Variants in PLXDC2 observed in about 807,000 individuals in gnomAD.
PLXDC2 encodes plexin domain containing 2.
A neutral mutation model predicts 68.9 loss-of-function variants in PLXDC2; 40 were observed. The ratio of observed to expected loss-of-function variants is 0.58; its 90% CI spans 0.45 to 0.76. PLXDC2 has a LOEUF of 0.76. Ranked by LOEUF, PLXDC2 falls within the 30% of genes least tolerant of loss-of-function variation. The pLI is 0.00. For missense variants in PLXDC2, 644 were observed against 661.9 expected, an observed-to-expected ratio of 0.97 and a Z score of 0.30; for synonymous variants, 243 against 234.2, an observed-to-expected ratio of 1.04 and a Z score of -0.34.
intron 1 of PLXDC2, among the ~76,000 whole-genome samples, chr10:19,925,345 A>G (rs576976785): frequency 2.1e-4 from 32 of 152,344 alleles, no homozygotes; most frequent in African/African-American, 7.5e-4. Context: ...TGAAAGACAT[A>G]TGACAGACCT....
chr10:19,982,333 C>T (rs1351861731), intron 1 of PLXDC2, among the ~76,000 whole-genome samples: 4 of 152,184 alleles, frequency 2.6e-5, no homozygotes, highest in Non-Finnish European at 2.9e-5. Context: ...ACCATCCCTC[C>T]GTTCTGTGAG....
intron 1 of PLXDC2, among the ~76,000 whole-genome samples, chr10:19,918,689 A>T (rs1318514737): frequency 2.0e-5 from 3 of 152,206 alleles, no homozygotes; most frequent in African/African-American, 7.2e-5. Flanking sequence ...TAAAATATTA[A>T]CACAGGCAGT....
chr10:19,944,683 G>C (rs1188758727), intron 1 of PLXDC2, among the ~76,000 whole-genome samples: 1 of 152,204 alleles, frequency 6.6e-6, no homozygotes, highest in Non-Finnish European at 1.5e-5. Flanking sequence ...GGGTATGGTG[G>C]CTCACGCCTG....
chr10:19,977,022 A>T (rs979677825), intron 1 of PLXDC2, among the ~76,000 whole-genome samples: 1 of 152,082 alleles, frequency 6.6e-6, no homozygotes, highest in Non-Finnish European at 1.5e-5. Flanking sequence ...CTTTCTGAGG[A>T]TATTAATGAT....
At chr10:20,062,678 T>A (rs1489543183) in intron 3 of PLXDC2, among the ~76,000 whole-genome samples, 1 of 152,102 alleles carries the variant, frequency 6.6e-6, no homozygotes, top group Non-Finnish European at 1.5e-5. Flanking sequence ...CAATAATCTA[T>A]TCTAAGCATT....
chr10:19,854,141 G>C (rs1837170779), intron 1 of PLXDC2, among the ~76,000 whole-genome samples: 1 of 152,206 alleles, frequency 6.6e-6, no homozygotes, highest in South Asian at 2.1e-4. Context: ...CTATCAGACT[G>C]GCTGGAATTT....
chr10:19,835,558 T>C (rs1836774225), intron 1 of PLXDC2, among the ~76,000 whole-genome samples: 1 of 152,012 alleles, frequency 6.6e-6, no homozygotes, highest in South Asian at 2.1e-4. Flanking sequence ...GGATGTCAAA[T>C]CATCGAGGTG....
chr10:19,901,411 A>G (rs1227815652), intron 1 of PLXDC2, among the ~76,000 whole-genome samples: 2 of 151,948 alleles, frequency 1.3e-5, no homozygotes, highest in Non-Finnish European at 2.9e-5. Context: ...TTTGATTTGC[A>G]TTTCCCTGAT....
chr10:19,968,302 A>C (rs927056038), intron 1 of PLXDC2, among the ~76,000 whole-genome samples: 1 of 150,636 alleles, frequency 6.6e-6, no homozygotes, highest in African/African-American at 2.4e-5. Context: ...GACCTCACTG[A>C]TCTCCTTCAT....
At chr10:20,080,278 A>G (rs960601716) in intron 4 of PLXDC2, among the ~76,000 whole-genome samples, 1 of 152,180 alleles carries the variant, frequency 6.6e-6, no homozygotes, top group Non-Finnish European at 1.5e-5. Flanking sequence ...GAGGGAAAGA[A>G]CTAATAGGAT....
chr10:20,263,121 C>CAGTG (rs533184053), intron 13 of PLXDC2, among the ~76,000 whole-genome samples: 71 of 152,312 alleles, frequency 4.7e-4, no homozygotes, highest in African/African-American at 1.7e-3. Flanking sequence ...TACAAGGCTA[C>CAGTG]AGTGAGCAAA....
At chr10:20,156,587 T>C (rs1004335684) in intron 6 of PLXDC2, among the ~76,000 whole-genome samples, 11 of 152,026 alleles carry the variant, frequency 7.2e-5, no homozygotes, top group African/African-American at 2.7e-4. Flanking sequence ...TTTTTTAAAG[T>C]GGAGGTGGAT....
intron 2 of PLXDC2, among the ~76,000 whole-genome samples, chr10:20,020,178 A>ATTTTTTTTTTTTTTTTTTTT (rs71388889): frequency 5.6e-5 from 6 of 107,332 alleles, no homozygotes; most frequent in African/African-American, 2.5e-4. Flanking sequence ...CACCCAGCAA[A>ATTTTTTTTTTTTTTTTTTTT]TTTTTTTTTT....
In PLXDC2 at chr10:20,007,840, A is replaced by C. The variant is rs1370942049; in HGVS notation, c.324+5854A>C. On this transcript the variant is annotated intron_variant, in intron 2 of 13. Transcript: ENST00000377252. ...TTTTGAGAGCAGAAATCTTAGCTTAAATTTAGGTGCCTGCCAACAGTATGT... is the reference window on the plus strand; with the variant it reads ...TTTTGAGAGCAGAAATCTTAGCTTACATTTAGGTGCCTGCCAACAGTATGT... Among the ~76,000 whole-genome samples the C allele has an allele frequency of 2.6e-5, 4 of 152,318 alleles. No homozygotes were observed. In the East Asian group the frequency reaches 7.7e-4, roughly 29 times the overall value.
intron 3 of PLXDC2, among the ~76,000 whole-genome samples, chr10:20,055,129 GT>G (rs996850610): frequency 9.6e-4 from 146 of 152,136 alleles, no homozygotes; most frequent in African/African-American, 3.3e-3. Context: ...TGCAGGTAAG[GT>G]TTTTGATGAA....
At chr10:19,904,872 C>A (rs1838214092) in intron 1 of PLXDC2, among the ~76,000 whole-genome samples, 1 of 152,190 alleles carries the variant, frequency 6.6e-6, no homozygotes, top group Non-Finnish European at 1.5e-5. Context: ...GAGATGCCAT[C>A]TTTGAAAGCT....
chr10:19,827,997 A>G (rs1836607217), intron 1 of PLXDC2, among the ~76,000 whole-genome samples: 1 of 152,210 alleles, frequency 6.6e-6, no homozygotes, highest in Non-Finnish European at 1.5e-5. Flanking sequence ...TAGGAAACAA[A>G]TGGGGAATGA....
intron 4 of PLXDC2, among the ~76,000 whole-genome samples, chr10:20,102,971 A>G (rs1489725165): frequency 1.4e-4 from 22 of 152,136 alleles, no homozygotes; most frequent in Admixed American, 1.4e-3. Flanking sequence ...TCCAAAAGAG[A>G]CTGAGAAACA....
intron 12 of PLXDC2, among the ~76,000 whole-genome samples, chr10:20,222,601 A>T (rs1360343592): frequency 6.6e-6 from 1 of 152,202 alleles, no homozygotes; most frequent in Non-Finnish European, 1.5e-5. Flanking sequence ...GAAAAATTGA[A>T]ACAAAAGAGA....
Sources: gnomAD v4.1 joint callset for allele counts (sites outside exome capture counted in the v4.1 genomes callset) on GRCh38, gnomAD v4.1.1 for gene constraint, MANE v1.5 for transcripts, NCBI Gene and HGNC (gene_info 2026-07-23, HGNC 2026-07-21) for gene names.